SLC9D1: variants seen among roughly 807,000 people sequenced by gnomAD.
SLC9D1 encodes solute carrier family 9 member D1, also known as putative LAG1-interacting protein.
the SLC9D1 span, chr13:113,539,320 T>A: frequency 5.0e-6 from 8 of 1,602,078 alleles, no homozygotes; most frequent in African/African-American, 5.3e-5. The surrounding 1 kb of genome is among the most constrained non-coding windows in gnomAD (Gnocchi z 4.8). Context: ...TGGTGCACTG[T>A]GGGGTCTCAT....
chr13:113,548,945 T>C, the SLC9D1 span, among the ~76,000 whole-genome samples: 1 of 152,082 alleles, frequency 6.6e-6, no homozygotes, highest in African/African-American at 2.4e-5. Context: ...AAAGGTAGAA[T>C]TGCTTACAGG....
At chr13:113,546,178 A>G in the SLC9D1 span, among the ~76,000 whole-genome samples, 19 of 152,106 alleles carry the variant, frequency 1.2e-4, no homozygotes, top group African/African-American at 4.6e-4. This position sits in a 1 kb window ranked among gnomAD's most constrained non-coding sequence, Gnocchi z 7.1. Flanking sequence ...GTGACTTCCT[A>G]GACACCAGTG....
the SLC9D1 span, among the ~76,000 whole-genome samples, chr13:113,508,258 C>A: frequency 6.6e-6 from 1 of 152,226 alleles, no homozygotes; most frequent in African/African-American, 2.4e-5. Flanking sequence ...TGCTACCCAC[C>A]CAGGGCGCAC....
the SLC9D1 span, among the ~76,000 whole-genome samples, chr13:113,493,062 A>T: frequency 1.8e-4 from 27 of 152,228 alleles, no homozygotes; most frequent in Non-Finnish European, 3.7e-4. Flanking sequence ...AATGAGTTTG[A>T]ATAAAGGTGA....
the SLC9D1 span, among the ~76,000 whole-genome samples, chr13:113,542,983 G>A: frequency 2.7e-5 from 4 of 150,916 alleles, no homozygotes; most frequent in African/African-American, 7.4e-5. Flanking sequence ...AGTGTGTCCC[G>A]GGAGAGCCTC....
the SLC9D1 span, among the ~76,000 whole-genome samples, chr13:113,538,106 T>C: frequency 1.4e-5 from 2 of 146,986 alleles, no homozygotes; most frequent in Non-Finnish European, 3.0e-5. Context: ...TACATGTGCA[T>C]GTATGTGTTT....
chr13:113,500,365 A>G, the SLC9D1 span, among the ~76,000 whole-genome samples: 1 of 152,326 alleles, frequency 6.6e-6, no homozygotes, highest in Non-Finnish European at 1.5e-5. Flanking sequence ...ATGAAAGTTA[A>G]TTTTGTTTTG....
At chr13:113,536,427 G>A in the SLC9D1 span, 1 of 292,358 alleles carries the variant, frequency 3.4e-6, no homozygotes, top group Non-Finnish European at 5.1e-6. Flanking sequence ...TTGTAAACCT[G>A]GGAGGAAATT....
the SLC9D1 span, chr13:113,548,351 C>G: frequency 6.2e-7 from 1 of 1,613,950 alleles, no homozygotes. Flanking sequence ...GAGGAGCAGC[C>G]AGTACATCAA....
chr13:113,543,246 C>G, the SLC9D1 span, among the ~76,000 whole-genome samples: 1 of 50,116 alleles, frequency 2.0e-5, no homozygotes, highest in Non-Finnish European at 3.9e-5. Context: ...CCTACCCTCC[C>G]TGTGTGTTAC....
At chr13:113,521,803 T>A in the SLC9D1 span, among the ~76,000 whole-genome samples, 2 of 152,308 alleles carry the variant, frequency 1.3e-5, no homozygotes, top group South Asian at 2.1e-4. Context: ...TTGCAAAGTC[T>A]AGGGTGCCCT....
the SLC9D1 span, among the ~76,000 whole-genome samples, chr13:113,542,882 G>A: frequency 3.3e-5 from 5 of 152,148 alleles, 1 homozygote; most frequent in Admixed American, 6.5e-5. Flanking sequence ...GCAGCACAGA[G>A]TTGGGAGGCT....
the SLC9D1 span, among the ~76,000 whole-genome samples, chr13:113,536,917 G>A: frequency 6.6e-6 from 1 of 152,172 alleles, no homozygotes; most frequent in Non-Finnish European, 1.5e-5. Flanking sequence ...ATGCCAGCCC[G>A]TCCTGCTGCT....
the SLC9D1 span, among the ~76,000 whole-genome samples, chr13:113,517,908 A>T: frequency 6.6e-6 from 1 of 152,118 alleles, no homozygotes; most frequent in Non-Finnish European, 1.5e-5. Context: ...GGGTTTACAG[A>T]GCTCCTTGGC....
the SLC9D1 span, among the ~76,000 whole-genome samples, chr13:113,536,352 A>T: frequency 1.7e-4 from 26 of 151,864 alleles, no homozygotes; most frequent in African/African-American, 6.3e-4. Context: ...AAAAAAAAAA[A>T]GTTTCCATTT....
the SLC9D1 span, chr13:113,528,540 C>G: frequency 6.6e-6 from 1 of 152,346 alleles, no homozygotes; most frequent in Non-Finnish European, 1.5e-5. Context: ...CTTGGCCATG[C>G]TCTGGCCGTG....
At chr13:113,493,830 G>A in the SLC9D1 span, among the ~76,000 whole-genome samples, 3 of 152,338 alleles carry the variant, frequency 2.0e-5, no homozygotes, top group East Asian at 5.8e-4. Context: ...TTCAGGACCT[G>A]CTGGGGTGCA....
chr13:113,496,658 C>G, the SLC9D1 span, among the ~76,000 whole-genome samples: 1 of 152,168 alleles, frequency 6.6e-6, no homozygotes, highest in African/African-American at 2.4e-5. Flanking sequence ...TATAAAGTAT[C>G]ACGTCATCTT....
At chr13:113,498,551 C>T in the SLC9D1 span, 76 of 1,516,120 alleles carry the variant, frequency 5.0e-5, no homozygotes, top group Non-Finnish European at 2.8e-5. Context: ...TGCTTCTTCA[C>T]CTCCTGAGCC....
Sources: gnomAD v4.1 joint callset for allele counts (sites outside exome capture counted in the v4.1 genomes callset) on GRCh38, gnomAD v4.1.1 for gene constraint, Gnocchi (gnomAD v3.1) non-coding constraint, MANE v1.5 for transcripts, NCBI Gene and HGNC (gene_info 2026-07-23, HGNC 2026-07-21) for gene names.